The following PCDHA3 variants were observed in gnomAD, a reference collection of about 807,000 sequenced individuals.
PCDHA3 encodes the protein protocadherin alpha-3.
A neutral mutation model predicts 62.2 loss-of-function variants in PCDHA3; 41 were observed. That is an observed-to-expected ratio of 0.66 (90% confidence interval 0.51 to 0.86). The LOEUF is 0.86. PCDHA3 is among the 40% of genes least tolerant of loss of function. PCDHA3 has a pLI of 0.00. For missense variants in PCDHA3, 1,304 were observed against 1,241.2 expected (o/e 1.05, Z -0.76); for synonymous variants, 640 against 555.4 (o/e 1.15, Z -2.14).
intron 1 of PCDHA3, among the ~76,000 whole-genome samples, chr5:140,845,445 T>A (rs1779878937): frequency 6.7e-6 from 1 of 149,700 alleles, no homozygotes; most frequent in Non-Finnish European, 1.5e-5. Context: ...GTTCTGTTTT[T>A]CTTCAACTCT....
intron 1 of PCDHA3, chr5:140,870,140 C>G: frequency 6.2e-7 from 1 of 1,614,040 alleles, no homozygotes; most frequent in Non-Finnish European, 8.5e-7. Flanking sequence ...AACGATAACT[C>G]TCCTGAAGTC....
chr5:140,845,177 C>T (rs1328451437), intron 1 of PCDHA3, among the ~76,000 whole-genome samples: 1 of 149,016 alleles, frequency 6.7e-6, no homozygotes, highest in East Asian at 1.9e-4. Context: ...TCATTTTAGT[C>T]CTTTAAAAAA....
At position 141,003,207 on chromosome 5, in the gene PCDHA3, T is replaced by C. The variant is rs141066841; in HGVS notation, c.2543-6420T>C. On this transcript the variant is annotated intron_variant, in intron 3 of 3. Coordinates refer to ENST00000522353, the MANE Select transcript of PCDHA3 (RefSeq NM_018906.3). Reference sequence around the variant, plus strand: ...CATCAACTCAGGCAGCCAGGGTTAGTTTAGCATGAAAGAGGAAAGCTGGAA... The same window carrying C: ...CATCAACTCAGGCAGCCAGGGTTAGCTTAGCATGAAAGAGGAAAGCTGGAA... Among the ~76,000 whole-genome samples the C allele has an allele frequency of 6.3e-3, 959 of 152,338 alleles. 16 individuals carry two copies. The highest frequency in any genetic ancestry group is 0.021 in the African/African-American group (892 of 41,582).
At chr5:140,863,386 T>A in intron 1 of PCDHA3, 1 of 1,032,574 alleles carries the variant, frequency 9.7e-7, no homozygotes, top group Non-Finnish European at 1.4e-6. Context: ...CGAGAGCTCG[T>A]GCATGCCGGG....
chr5:140,849,298 A>T lies in PCDHA3; in HGVS notation c.2394+45707A>T, dbSNP rs1182153594. 25 of 1,269,106 alleles carry T rather than the reference A, an allele frequency of 2.0e-5. No individual in the cohort carries two copies. The highest frequency in any genetic ancestry group is 2.6e-5 in the Non-Finnish European group (24 of 927,200). 78.6% of individuals were successfully genotyped at this position (1,269,106 alleles called of 1,614,324 possible). On this transcript the variant is annotated intron_variant, in intron 1 of 3. Transcript: ENST00000522353. ...CTGGTGATTCACCCCAATGCCTCAG[A>T]TTTAGACGAAGGCTTGAATGGGGAT... is the stretch of plus-strand genomic sequence containing the variant.
intron 1 of PCDHA3, among the ~76,000 whole-genome samples, chr5:140,892,799 G>A (rs1222453314): frequency 6.6e-6 from 1 of 152,108 alleles, no homozygotes; most frequent in African/African-American, 2.4e-5. Flanking sequence ...AGAAATTATA[G>A]TTAACCATAT....
At chr5:140,958,145 A>G (rs1044763099) in intron 1 of PCDHA3, among the ~76,000 whole-genome samples, 4 of 152,156 alleles carry the variant, frequency 2.6e-5, no homozygotes, top group African/African-American at 4.8e-5. Context: ...GTATATTTAT[A>G]TAGCATAGTC....
At position 140,997,506 on chromosome 5, in the gene PCDHA3, T is replaced by A. The variant is rs147089901; in HGVS notation, c.2543-12121T>A. On this transcript the variant is annotated intron_variant, in intron 3 of 3. Coordinates refer to ENST00000522353, the MANE Select transcript of PCDHA3 (RefSeq NM_018906.3). ...AAGTATTTGTGTATCTCAACATACC[T>A]AAACGCAGAAAAAGTACAATAAAAA... Among the ~76,000 whole-genome samples the A allele has an allele frequency of 4.4e-3, 665 of 152,304 alleles. 5 individuals are homozygous for A. Among genetic ancestry groups the A allele is most frequent in the African/African-American group, 0.015 (619 of 41,574 alleles).
At chr5:140,871,653 C>A in intron 1 of PCDHA3, 1 of 1,244,246 alleles carries the variant, frequency 8.0e-7, no homozygotes, top group Non-Finnish European at 1.1e-6. Context: ...CCAAATGATA[C>A]ACATCTTCAG....
At chr5:140,807,247 C>T in intron 1 of PCDHA3, 2 of 1,614,062 alleles carry the variant, frequency 1.2e-6, no homozygotes, top group Non-Finnish European at 1.7e-6. Context: ...TACTTCTTCT[C>T]CTCGCAGCCT....
chr5:140,822,352 C>G, intron 1 of PCDHA3: 1 of 1,614,074 alleles, frequency 6.2e-7, no homozygotes, highest in South Asian at 1.1e-5. Context: ...CTTTTTAGAG[C>G]TGGTTTTGAG....
intron 1 of PCDHA3, chr5:140,808,736 G>A (rs1291582762): frequency 6.2e-7 from 1 of 1,612,074 alleles, no homozygotes; most frequent in Non-Finnish European, 8.5e-7. Flanking sequence ...GAGCGGCAAG[G>A]TGTACGCGCT....
intron 1 of PCDHA3, among the ~76,000 whole-genome samples, chr5:140,937,093 A>G (rs1466127180): frequency 6.8e-6 from 1 of 146,414 alleles, no homozygotes; most frequent in African/African-American, 2.6e-5. Context: ...GCTGGAGTGC[A>G]GTGGCGCAGT....
At chr5:140,901,906 G>T (rs1275600408) in intron 1 of PCDHA3, among the ~76,000 whole-genome samples, 1 of 151,902 alleles carries the variant, frequency 6.6e-6, no homozygotes, top group Non-Finnish European at 1.5e-5. Context: ...TCATTGTGGA[G>T]ATCTTTCACT....
chr5:140,817,904 C>A (rs1766231046), intron 1 of PCDHA3, among the ~76,000 whole-genome samples: 1 of 152,194 alleles, frequency 6.6e-6, no homozygotes, highest in African/African-American at 2.4e-5. Context: ...TTTAAGATGA[C>A]ATTCCATGGT....
intron 1 of PCDHA3, chr5:140,809,092 T>A: frequency 6.2e-7 from 1 of 1,613,942 alleles, no homozygotes; most frequent in South Asian, 1.1e-5. Flanking sequence ...GCACAACGCG[T>A]GCCCTGGACG....
intron 1 of PCDHA3, chr5:140,861,476 C>T: frequency 2.0e-6 from 1 of 493,226 alleles, no homozygotes; most frequent in South Asian, 1.5e-5. Flanking sequence ...TGCAGAATGG[C>T]ATTTTTGTGA....
At chr5:140,805,032 G>T (rs781952381) in intron 1 of PCDHA3, 54 of 1,582,656 alleles carry the variant, frequency 3.4e-5, no homozygotes, top group Non-Finnish European at 4.5e-5. Context: ...GAATATAATA[G>T]AGTCAGCCAA....
chr5:140,913,073 G>A (rs529914576), intron 1 of PCDHA3, among the ~76,000 whole-genome samples: 7 of 152,184 alleles, frequency 4.6e-5, no homozygotes, highest in Admixed American at 1.3e-4. Flanking sequence ...ATGTGTCATT[G>A]TTTGGTATCA....
Sources: gnomAD v4.1 joint callset for allele counts (sites outside exome capture counted in the v4.1 genomes callset) on GRCh38, gnomAD v4.1.1 for gene constraint, MANE v1.5 for transcripts, NCBI Gene and HGNC (gene_info 2026-07-23, HGNC 2026-07-21) for gene names.